SELENOT: variants seen among roughly 807,000 people sequenced by gnomAD.
SELENOT encodes thioredoxin reductase-like selenoprotein T.
In SELENOT, 9 loss-of-function variants were observed where a neutral mutation model predicts 24.3. The ratio of observed to expected loss-of-function variants is 0.37; its 90% CI spans 0.22 to 0.65. SELENOT has a LOEUF of 0.65. Ranked by LOEUF, SELENOT falls within the 30% of genes least tolerant of loss-of-function variation. SELENOT has a pLI of 0.60. For missense variants in SELENOT, 166 were observed against 247.6 expected, an observed-to-expected ratio of 0.67 and a Z score of 2.21; for synonymous variants, 81 against 86.0, an observed-to-expected ratio of 0.94 and a Z score of 0.32.
At chr3:150,605,725 T>TC (rs983771890) in intron 1 of SELENOT, among the ~76,000 whole-genome samples, 2 of 152,190 alleles carry the variant, frequency 1.3e-5, no homozygotes, top group Non-Finnish European at 2.9e-5. Context: ...TTGTTGCTTT[T>TC]CCCCCCAGAG....
At chr3:150,624,618 A>C (rs1419106527) in intron 3 of SELENOT, among the ~76,000 whole-genome samples, 194 bp from the exon 4 acceptor site, 2 of 152,208 alleles carry the variant, frequency 1.3e-5, no homozygotes, top group African/African-American at 2.4e-5. Context: ...TTCTGTGTAC[A>C]TTATGAATAT....
intron 2 of SELENOT, 147 bp from the exon 3 acceptor site, chr3:150,622,896 C>A (rs2108013878): frequency 1.7e-6 from 1 of 597,362 alleles, no homozygotes; most frequent in Non-Finnish European, 2.6e-6. Flanking sequence ...TTTGTTTTAA[C>A]ACTGCACAAT....
chr3:150,605,676 A>C (rs1057277057), intron 1 of SELENOT, among the ~76,000 whole-genome samples: 3 of 152,248 alleles, frequency 2.0e-5, no homozygotes, highest in South Asian at 4.2e-4. Context: ...TAACGTTATT[A>C]ATAAGACCCA....
intron 3 of SELENOT, 104 bp downstream of exon 3, chr3:150,623,273 A>G (rs1316741202): frequency 9.3e-7 from 1 of 1,079,020 alleles, no homozygotes; most frequent in Non-Finnish European, 1.2e-6. Context: ...TCACCTGTTA[A>G]CATGTATTAT....
intron 1 of SELENOT, among the ~76,000 whole-genome samples, chr3:150,605,974 T>C (rs1311584832): frequency 2.0e-5 from 3 of 152,192 alleles, no homozygotes; most frequent in African/African-American, 7.2e-5. Context: ...TTTCCCCTTA[T>C]AGTGATCATG....
chr3:150,605,883 G>A (rs1318174251), intron 1 of SELENOT, among the ~76,000 whole-genome samples: 4 of 152,186 alleles, frequency 2.6e-5, no homozygotes, highest in Non-Finnish European at 5.9e-5. Context: ...TTTGAAGTCA[G>A]TATTATAAAA....
chr3:150,603,996 C>T (rs1339506168), intron 1 of SELENOT, among the ~76,000 whole-genome samples: 1 of 152,220 alleles, frequency 6.6e-6, no homozygotes, highest in Non-Finnish European at 1.5e-5. Flanking sequence ...CCGGGAGTGA[C>T]AGACGCCGTT....
intron 1 of SELENOT, among the ~76,000 whole-genome samples, chr3:150,606,897 A>G (rs564076916): frequency 5.9e-5 from 9 of 152,182 alleles, no homozygotes; most frequent in African/African-American, 2.2e-4. Context: ...CCCGGCTGAA[A>G]TTCCCTTTTT....
chr3:150,624,773 A>C, intron 3 of SELENOT, 39 bp from the exon 4 acceptor site: 3 of 1,293,058 alleles, frequency 2.3e-6, no homozygotes, highest in Non-Finnish European at 3.2e-6. Context: ...TTTACCAAAC[A>C]TGACTTTGCC....
intron 1 of SELENOT, among the ~76,000 whole-genome samples, chr3:150,606,202 G>A (rs1440213981): frequency 1.4e-5 from 2 of 145,282 alleles, no homozygotes; most frequent in African/African-American, 5.1e-5. Context: ...CCAGTTTGGA[G>A]TGCAATGGCA....
chr3:150,615,821 C>A (rs1480183310), intron 1 of SELENOT, among the ~76,000 whole-genome samples: 7 of 151,762 alleles, frequency 4.6e-5, no homozygotes, highest in South Asian at 2.1e-4. Flanking sequence ...GCTACCAATG[C>A]CTTTCTTCAC....
Position 150,603,388 on chromosome 3 carries a change from T to C in SELENOT, c.26T>C (p.Val9Ala), listed in dbSNP as rs1215142352. 1.2e-6 allele frequency: 2 copies of C among 1,612,944 alleles called. No homozygotes were observed. Among genetic ancestry groups the C allele is most frequent in the African/African-American group, 1.3e-5 (1 of 74,928 alleles). Residue 9 changes from valine (V) to alanine (A), a missense_variant, in exon 1 of 6, where the codon GTG (valine) becomes GCG (alanine). This residue lies in a region of SELENOT where 46 missense variants were observed against 49.3 expected (regional missense o/e 0.93). Transcript: ENST00000471696. ...ATGAGGCTTCTGCTGCTTCTCCTAG[T>C]GGCGGCGTCTGCGATGGTCCGGAGC... MRLLLLLL[V>A]AASAMVRSEA...
rs1184283296 is a variant in SELENOT at position 150,628,202 on chromosome 3, A to C, written c.*573A>C. 6.6e-6 allele frequency: 1 copy of C among 152,580 alleles called. No homozygotes were observed. The highest frequency in any genetic ancestry group is 6.5e-5 in the Admixed American group (1 of 15,284). The allele number at this position is 152,580 out of a possible 1,614,324, so 9.5% of individuals were successfully genotyped here. A position where few individuals can be genotyped will look rare whatever the true frequency, so the allele number is the denominator to read the frequency against. On this transcript the variant is annotated 3_prime_UTR_variant, in exon 6 of 6. Transcript: ENST00000471696. ...GGAAATCCTATATTCAGAGTACTCTATAAATTTTTGTGTATGTGTGTATGT... is the reference window on the plus strand; with the variant it reads ...GGAAATCCTATATTCAGAGTACTCTCTAAATTTTTGTGTATGTGTGTATGT...
intron 1 of SELENOT, among the ~76,000 whole-genome samples, chr3:150,605,146 T>C (rs1307440314): frequency 6.6e-6 from 1 of 152,212 alleles, no homozygotes; most frequent in Non-Finnish European, 1.5e-5. Flanking sequence ...ACTTTTTTCC[T>C]TAATTTTTAA....
In SELENOT at chr3:150,623,051, C is replaced by T. The variant is rs1726374227; in HGVS notation, c.257C>T (p.Ala86Val). The change falls in exon 3 of 6, where the codon GCA becomes GTA. Residue 86 changes from alanine to valine, a missense_variant. Around this residue, in one of 5 missense-constraint regions of SELENOT, gnomAD observed 71 missense variants for 89.2 expected, o/e 0.80. Coordinates refer to ENST00000471696, the MANE Select transcript of SELENOT (RefSeq NM_016275.5). Reference sequence around the variant, plus strand: ...TTCTTTTCTTTTGATAGACACATAGCATCTTTCCTGTCAGTCTTCAAACTA... The same window carrying T: ...TTCTTTTCTTTTGATAGACACATAGTATCTTTCCTGTCAGTCTTCAAACTA... ...YLPQPIYRHI[A>V]SFLSVFKLVL... 8 of 1,559,490 alleles carry T rather than the reference C, an allele frequency of 5.1e-6. No individual in the cohort carries two copies. The highest frequency in any genetic ancestry group is 6.1e-6 in the Non-Finnish European group (7 of 1,155,486).
rs144238515 is a variant in SELENOT, at chr3:150,616,644, C to T, written c.138-5741C>T. 3.3e-3 allele frequency among the ~76,000 whole-genome samples: 501 copies of T among 152,330 alleles called. 11 individuals are homozygous for T. Among genetic ancestry groups the T allele is most frequent in the Admixed American group, 0.024 (360 of 15,304 alleles). ...ATCAGAGAAATGCAAATCAAAACCA[C>T]AATGAGATACCATCTCACACCAGTT... On this transcript the variant is annotated intron_variant, in intron 1 of 5. Coordinates refer to ENST00000471696, the MANE Select transcript of SELENOT (RefSeq NM_016275.5).
rs1576533771 is a variant in SELENOT, at chr3:150,620,951, T to C, written c.138-1434T>C. 2.0e-5 allele frequency among the ~76,000 whole-genome samples: 3 copies of C among 152,184 alleles called. No homozygotes were observed. The South Asian group carries it at 6.2e-4, about 31-fold the overall frequency. ...TGGCAGAATATTAATATGTGATGAATCTAGATGAAGTGTTTATGTAAGATC... is the reference window on the plus strand; with the variant it reads ...TGGCAGAATATTAATATGTGATGAACCTAGATGAAGTGTTTATGTAAGATC... On this transcript the variant is annotated intron_variant, in intron 1 of 5. Coordinates refer to ENST00000471696, the MANE Select transcript of SELENOT (RefSeq NM_016275.5).
At chr3:150,627,268 A>G (rs1726466160) in intron 5 of SELENOT, 105 bp downstream of exon 5, 1 of 891,612 alleles carries the variant, frequency 1.1e-6, no homozygotes, top group Non-Finnish European at 1.7e-6. Context: ...CCAATTTAAG[A>G]TTAAACAGAG....
At chr3:150,605,664 AATAACGTTATTAATAAG>A (rs1725947410) in intron 1 of SELENOT, among the ~76,000 whole-genome samples, 1 of 152,136 alleles carries the variant, frequency 6.6e-6, no homozygotes, top group South Asian at 2.1e-4. Context: ...GTAGATGGGA[AATAACGTTATTAATAAG>A]ACCCACCAAA....
Sources: gnomAD v4.1 joint callset for allele counts (sites outside exome capture counted in the v4.1 genomes callset) on GRCh38, gnomAD v4.1.1 for gene constraint, gnomAD v4.1.1 regional missense constraint, MANE v1.5 for transcripts, NCBI Gene and HGNC (gene_info 2026-07-23, HGNC 2026-07-21) for gene names.